The following CDH13 variants were observed in gnomAD, a reference collection of about 807,000 sequenced individuals.
The protein encoded by CDH13 is cadherin 13, also known as cadherin-13.
In CDH13, 24 loss-of-function variants were observed where a neutral mutation model predicts 63.8. The ratio of observed to expected loss-of-function variants is 0.38; its 90% CI spans 0.27 to 0.53. The LOEUF (loss-of-function observed/expected upper bound fraction) is 0.53, where lower values mean the gene tolerates loss of function less well. Ranked by LOEUF, CDH13 falls within the 20% of genes least tolerant of loss-of-function variation. The probability of loss-of-function intolerance (pLI) is 0.85; values close to 1 mark genes in which losing one functional copy is unlikely to be tolerated. For synonymous variants in CDH13, 503 were observed against 355.3 expected, an observed-to-expected ratio of 1.42 and a Z score of -4.67; for missense variants, 1,049 against 903.1, an observed-to-expected ratio of 1.16 and a Z score of -2.07.
chr16:82,907,541 C>G (rs1427684813), intron 2 of CDH13, among the ~76,000 whole-genome samples: 1 of 152,182 alleles, frequency 6.6e-6, no homozygotes, highest in African/African-American at 2.4e-5. Flanking sequence ...ATATATTTTT[C>G]TTTGAGAAGA....
chr16:83,085,086 C>G (rs2033497016), intron 3 of CDH13, among the ~76,000 whole-genome samples: 1 of 151,962 alleles, frequency 6.6e-6, no homozygotes, highest in Non-Finnish European at 1.5e-5. Flanking sequence ...TGTTTTCATG[C>G]TGTTGATAGA....
At chr16:83,597,150 G>C (rs1481200485) in intron 7 of CDH13, among the ~76,000 whole-genome samples, 1 of 152,144 alleles carries the variant, frequency 6.6e-6, no homozygotes, top group African/African-American at 2.4e-5. Flanking sequence ...TTGAGCCTGG[G>C]AGGTCGAGGC....
intron 10 of CDH13, chr16:83,735,473 A>T (rs1021888405): frequency 6.6e-6 from 1 of 152,298 alleles, no homozygotes; most frequent in Middle Eastern, 3.4e-3. Context: ...GTATATATTT[A>T]TGAGGCATAA....
intron 8 of CDH13, among the ~76,000 whole-genome samples, chr16:83,606,760 C>T (rs1393843355): frequency 6.6e-6 from 1 of 151,314 alleles, no homozygotes; most frequent in Non-Finnish European, 1.5e-5. Flanking sequence ...GTAGACAGAC[C>T]CAGGCCAGTT....
At chr16:82,792,095 G>A (rs1431495900) in intron 1 of CDH13, among the ~76,000 whole-genome samples, 9 of 152,124 alleles carry the variant, frequency 5.9e-5, no homozygotes, top group Admixed American at 4.6e-4. Context: ...CTGGCTTCTA[G>A]CCCATAGAAT....
At chr16:83,788,739 C>CT (rs1325479530) in intron 13 of CDH13, among the ~76,000 whole-genome samples, 2 of 152,172 alleles carry the variant, frequency 1.3e-5, no homozygotes, top group Non-Finnish European at 2.9e-5. Context: ...ACCAAATGTG[C>CT]TTTATGTGCT....
At chr16:82,894,445 C>A (rs1054650629) in intron 2 of CDH13, among the ~76,000 whole-genome samples, 2 of 152,096 alleles carry the variant, frequency 1.3e-5, no homozygotes, top group South Asian at 2.1e-4. Context: ...AGTTCGAGAC[C>A]AGCCTGGCCA....
At chr16:82,657,479 A>G (rs1246017753) in intron 1 of CDH13, among the ~76,000 whole-genome samples, 1 of 152,192 alleles carries the variant, frequency 6.6e-6, no homozygotes, top group African/African-American at 2.4e-5. Flanking sequence ...ATGACAGAAG[A>G]TTTCATCATG....
At chr16:83,430,489 T>G (rs1254534373) in intron 6 of CDH13, among the ~76,000 whole-genome samples, 1 of 152,224 alleles carries the variant, frequency 6.6e-6, no homozygotes, top group East Asian at 1.9e-4. Context: ...ACATTACAAA[T>G]AATAGACTCC....
intron 6 of CDH13, among the ~76,000 whole-genome samples, chr16:83,472,741 T>G (rs75353382): frequency 0.025 from 3,830 of 152,250 alleles, 167 homozygotes; most frequent in African/African-American, 0.087. Context: ...ATGAAACAGA[T>G]TATTCATACA....
At chr16:83,383,109 C>T (rs1426164638) in intron 6 of CDH13, 1 of 152,212 alleles carries the variant, frequency 6.6e-6, no homozygotes, top group Admixed American at 6.5e-5. Context: ...ATCGTCCCAA[C>T]AGTTTGGAAG....
At chr16:83,461,001 A>ACACT (rs2073165414) in intron 6 of CDH13, among the ~76,000 whole-genome samples, 1 of 151,060 alleles carries the variant, frequency 6.6e-6, no homozygotes, top group Non-Finnish European at 1.5e-5. Flanking sequence ...ACACGCACAC[A>ACACT]CACACACACA....
intron 6 of CDH13, among the ~76,000 whole-genome samples, chr16:83,445,611 G>A (rs907424037): frequency 3.3e-5 from 5 of 152,102 alleles, no homozygotes; most frequent in African/African-American, 1.2e-4. Context: ...ATTTCTCTCT[G>A]CACATTTTGT....
chr16:82,675,995 C>T (rs1014934368), intron 1 of CDH13, among the ~76,000 whole-genome samples: 1 of 152,176 alleles, frequency 6.6e-6, no homozygotes, highest in East Asian at 1.9e-4. Context: ...AAACTCAATT[C>T]CCTGTTTTAT....
At chr16:82,724,988 G>T (rs2033010409) in intron 1 of CDH13, among the ~76,000 whole-genome samples, 3 of 152,174 alleles carry the variant, frequency 2.0e-5, no homozygotes, top group Admixed American at 1.3e-4. Context: ...GCTTCTTAAG[G>T]ATTAACTGAG....
Position 83,082,528 on chromosome 16 carries a change from A to T in CDH13, c.367-42857A>T, listed in dbSNP as rs946265613. 2.6e-5 allele frequency among the ~76,000 whole-genome samples: 4 copies of T among 152,076 alleles called. 1 individual carries two copies. The highest frequency in any genetic ancestry group is 5.9e-5 in the Non-Finnish European group (4 of 68,012). ...GGTACCTGTAATCCAAACTATTTGG[A>T]AGGCTGAGGCAGGAGAATAGGAGGA... On this transcript the variant is annotated intron_variant, in intron 3 of 13. Transcript: ENST00000567109.
intron 6 of CDH13, among the ~76,000 whole-genome samples, chr16:83,430,466 A>G (rs2072064168): frequency 6.6e-6 from 1 of 152,208 alleles, no homozygotes; most frequent in Non-Finnish European, 1.5e-5. Context: ...ATTTACTTCC[A>G]CTTTATTCTT....
intron 3 of CDH13, among the ~76,000 whole-genome samples, chr16:83,124,044 T>G (rs1367945569): frequency 1.3e-5 from 2 of 151,914 alleles, no homozygotes; most frequent in Non-Finnish European, 2.9e-5. Context: ...CCCACTTTCT[T>G]TTGTTTGTTT....
Position 83,064,411 on chromosome 16 carries a change from C to T in CDH13, c.366+32193C>T, listed in dbSNP as rs573403040. 2.0e-5 allele frequency among the ~76,000 whole-genome samples: 3 copies of T among 152,148 alleles called. No homozygotes were observed. The South Asian group carries it at 6.2e-4, about 32-fold the overall frequency. Reference sequence around the variant, plus strand: ...GAGTATTGTTGAAGTCATTTAGGAACAGATTTTTTAGCAACATCATCCAGT... The same window carrying T: ...GAGTATTGTTGAAGTCATTTAGGAATAGATTTTTTAGCAACATCATCCAGT... On this transcript the variant is annotated intron_variant, in intron 3 of 13. Coordinates refer to ENST00000567109, the MANE Select transcript of CDH13 (RefSeq NM_001257.5).
Sources: gnomAD v4.1 joint callset for allele counts (sites outside exome capture counted in the v4.1 genomes callset) on GRCh38, gnomAD v4.1.1 for gene constraint, MANE v1.5 for transcripts, NCBI Gene and HGNC (gene_info 2026-07-23, HGNC 2026-07-21) for gene names.